The following TMEM182 variants were observed in gnomAD, a reference collection of about 807,000 sequenced individuals.
TMEM182 encodes transmembrane protein 182.
In TMEM182, 20 loss-of-function variants were observed where a neutral mutation model predicts 26.8. That is an observed-to-expected ratio of 0.75 (90% CI 0.53 to 1.09). TMEM182 has a LOEUF of 1.09. Among genes scored for constraint, TMEM182 ranks in the 50% least tolerant of loss-of-function variants. TMEM182 has a pLI of 0.00. For missense variants in TMEM182, 277 were observed against 275.5 expected (o/e 1.01, Z -0.04); for synonymous variants, 109 against 102.2 (o/e 1.07, Z -0.40).
chr2:102,802,780 A>G (rs141284008), intron 4 of TMEM182, among the ~76,000 whole-genome samples: 1 of 152,352 alleles, frequency 6.6e-6, no homozygotes, highest in African/African-American at 2.4e-5. Context: ...GTGTGAAATG[A>G]GTAAGGATGT....
intron 3 of TMEM182, among the ~76,000 whole-genome samples, chr2:102,780,753 T>G (rs1426509973): frequency 6.6e-6 from 1 of 152,158 alleles, no homozygotes; most frequent in Non-Finnish European, 1.5e-5. Context: ...TGTTACAAAC[T>G]GTGGAGGAGA....
chr2:102,742,247 T>C (rs1420784704), intron 1 of TMEM182, among the ~76,000 whole-genome samples: 1 of 152,140 alleles, frequency 6.6e-6, no homozygotes. Context: ...TGAAAATTGC[T>C]TTTGATGGAC....
chr2:102,781,629 A>G (rs1681169868), intron 3 of TMEM182, among the ~76,000 whole-genome samples: 1 of 152,116 alleles, frequency 6.6e-6, no homozygotes, highest in Admixed American at 6.6e-5. Flanking sequence ...GAGACTAAGG[A>G]TGGGCAGCTT....
upstream of TMEM182, among the ~76,000 whole-genome samples, chr2:102,760,703 C>A (rs1394853913): frequency 1.3e-5 from 2 of 152,140 alleles, no homozygotes; most frequent in Admixed American, 1.3e-4. Context: ...CAACCTCAAC[C>A]TCCCGGGTTC....
At chr2:102,841,243 C>T (rs1683343778) in intron 3 of TMEM182, among the ~76,000 whole-genome samples, 1 of 152,122 alleles carries the variant, frequency 6.6e-6, no homozygotes. Flanking sequence ...GGCCCAACTC[C>T]GAGGGGCACC....
intron 2 of TMEM182, among the ~76,000 whole-genome samples, chr2:102,763,408 T>C (rs1680294969): frequency 6.6e-6 from 1 of 152,206 alleles, no homozygotes; most frequent in South Asian, 2.1e-4. Context: ...GAAAGGGCTG[T>C]TTATTAGCCT....
Position 102,815,170 on chromosome 2 carries a change from G to A in TMEM182, c.*202G>A. ...ACCAGCAAGCCTCTATCTTGTCTAA[G>A]TGCTGTCAAGGACCTAGTTCTTTAG... On this transcript the variant is annotated 3_prime_UTR_variant, in exon 5 of 5. Transcript: ENST00000412401. The A allele has an allele frequency of 7.2e-7, 1 of 1,396,072 alleles. No homozygotes were observed. The allele number at this position is 1,396,072 out of a possible 1,614,324, so 86.5% of individuals were successfully genotyped here.
upstream of TMEM182, among the ~76,000 whole-genome samples, chr2:102,759,920 TC>T (rs1680156416): frequency 6.6e-6 from 1 of 152,200 alleles, no homozygotes; most frequent in South Asian, 2.1e-4. Context: ...TAGGACAGGT[TC>T]CCGGGTTTTC....
intron 3 of TMEM182, among the ~76,000 whole-genome samples, chr2:102,828,641 AT>A (rs1310479902): frequency 6.6e-6 from 1 of 152,074 alleles, no homozygotes; most frequent in African/African-American, 2.4e-5. Flanking sequence ...TTTGCCCATG[AT>A]TTCTGGGGCC....
chr2:102,815,648 A>G lies in TMEM182; in HGVS notation c.*680A>G, dbSNP rs1214010803. ...TTTAAACTACATTTAAAACTAGCAA[A>G]TCTGCATACCAAATTATGTATAACG... is the stretch of plus-strand genomic sequence containing the variant. On this transcript the variant is annotated 3_prime_UTR_variant, in exon 5 of 5. Coordinates refer to ENST00000412401, the MANE Select transcript of TMEM182 (RefSeq NM_144632.5). The G allele has an allele frequency of 2.1e-5, 21 of 985,200 alleles. No individual in the cohort carries two copies. Among genetic ancestry groups the G allele is most frequent in the Non-Finnish European group, 2.4e-5 (20 of 829,810 alleles). The allele number at this position is 985,200 out of a possible 1,614,324, so 61.0% of individuals were successfully genotyped here. A position where few individuals can be genotyped will look rare whatever the true frequency, so the allele number is the denominator to read the frequency against.
At chr2:102,840,529 C>A (rs1333878132) in intron 3 of TMEM182, among the ~76,000 whole-genome samples, 3 of 152,118 alleles carry the variant, frequency 2.0e-5, no homozygotes, top group Non-Finnish European at 4.4e-5. Flanking sequence ...GTAAGTGATC[C>A]TGAGGCATAG....
At chr2:102,795,891 G>GA (rs1681849804) in intron 3 of TMEM182, among the ~76,000 whole-genome samples, 2 of 152,098 alleles carry the variant, frequency 1.3e-5, no homozygotes, top group African/African-American at 4.8e-5. Flanking sequence ...AGAGAAAGGA[G>GA]AAAAAACATA....
chr2:102,761,553 G>A (rs6722221), upstream of TMEM182, among the ~76,000 whole-genome samples: 2,308 of 152,256 alleles, frequency 0.015, 55 homozygotes, highest in African/African-American at 0.052. Context: ...ACCTCTGAAT[G>A]TTTAGATTAT....
intron 4 of TMEM182, among the ~76,000 whole-genome samples, chr2:102,800,797 TTGTG>T (rs71378190): frequency 0.049 from 6,799 of 137,738 alleles, 155 homozygotes; most frequent in South Asian, 0.077. Context: ...TTTGGACAGT[TTGTG>T]TGTGTGTGTG....
At chr2:102,748,070 G>A (rs958892529) in intron 1 of TMEM182, among the ~76,000 whole-genome samples, 20 of 152,094 alleles carry the variant, frequency 1.3e-4, no homozygotes, top group African/African-American at 4.3e-4. Context: ...CGTAGCTCTC[G>A]TATCTTCAAG....
intron 3 of TMEM182, among the ~76,000 whole-genome samples, chr2:102,776,781 G>A (rs1680934159): frequency 2.0e-5 from 3 of 152,162 alleles, no homozygotes; most frequent in Admixed American, 2.0e-4. Context: ...TAATGAATGA[G>A]TTACTGTTGT....
At position 102,807,140 on chromosome 2, in the gene TMEM182, T is replaced by C. The variant is rs932164837; in HGVS notation, c.470-7608T>C. On this transcript the variant is annotated intron_variant, in intron 4 of 4. Coordinates refer to ENST00000412401, the MANE Select transcript of TMEM182 (RefSeq NM_144632.5). Reference sequence around the variant, plus strand: ...TTGTTATGACAATCTAAGAAAGTTATAAATGCTTGAGAAACCCAATCAGCA... The same window carrying C: ...TTGTTATGACAATCTAAGAAAGTTACAAATGCTTGAGAAACCCAATCAGCA... 3.3e-5 allele frequency among the ~76,000 whole-genome samples: 5 copies of C among 152,226 alleles called. No individual in the cohort carries two copies. In the South Asian group the frequency reaches 1.0e-3, roughly 31 times the overall value.
At chr2:102,750,460 G>A (rs1256108059) in intron 1 of TMEM182, among the ~76,000 whole-genome samples, 1 of 152,198 alleles carries the variant, frequency 6.6e-6, no homozygotes, top group African/African-American at 2.4e-5. Flanking sequence ...CTTCCTTAAA[G>A]CAAACGTACA....
downstream of TMEM182, among the ~76,000 whole-genome samples, chr2:102,818,154 T>G (rs1682815042): frequency 6.6e-6 from 1 of 152,184 alleles, no homozygotes; most frequent in Admixed American, 6.5e-5. Context: ...CAGATTTGAT[T>G]TTTTTGGGAC....
Sources: allele counts gnomAD v4.1 joint callset (sites outside exome capture counted in the v4.1 genomes callset), GRCh38; gene constraint gnomAD v4.1.1; transcripts MANE v1.5; gene names NCBI Gene and HGNC (gene_info 2026-07-23, HGNC 2026-07-21).